Variants in SGK3 observed in about 807,000 individuals in gnomAD.
SGK3 encodes serum/glucocorticoid regulated kinase family member 3.
SGK3 carries 47 observed loss-of-function variants against 68.5 expected under a neutral mutation model. That is an observed-to-expected ratio of 0.69 (90% CI 0.54 to 0.87). The LOEUF (loss-of-function observed/expected upper bound fraction) is 0.87. Among genes scored for constraint, SGK3 ranks in the 40% least tolerant of loss-of-function variants. The pLI, the probability that SGK3 is intolerant of heterozygous loss-of-function variation, is 0.00. For missense variants in SGK3, 479 were observed against 575.5 expected, an observed-to-expected ratio of 0.83 and a Z score of 1.72; for synonymous variants, 181 against 189.1, an observed-to-expected ratio of 0.96 and a Z score of 0.35.
At chr8:66,835,005 T>TA (rs1809463563) in intron 8 of SGK3, among the ~76,000 whole-genome samples, 1 of 151,614 alleles carries the variant, frequency 6.6e-6, no homozygotes, top group South Asian at 2.1e-4. Context: ...TGCGGTGGCT[T>TA]ACGCCTGTTA....
At chr8:66,825,653 A>G (rs954032068) in intron 6 of SGK3, among the ~76,000 whole-genome samples, 4 of 152,166 alleles carry the variant, frequency 2.6e-5, no homozygotes, top group Non-Finnish European at 5.9e-5. Flanking sequence ...CCTAGCTGGA[A>G]TATTTTAGAG....
chr8:66,737,628 T>C (rs1268487111), intron 1 of SGK3: 1 of 152,414 alleles, frequency 6.6e-6, no homozygotes, highest in Non-Finnish European at 1.5e-5. Context: ...TTTTTTTTTT[T>C]TTTTTTTGAC....
chr8:66,859,059 G>A (rs1045235024), intron 16 of SGK3, among the ~76,000 whole-genome samples: 7 of 152,156 alleles, frequency 4.6e-5, no homozygotes, highest in African/African-American at 1.7e-4. Context: ...TGGGCCAGGC[G>A]CGGTGGCTCA....
chr8:66,764,827 A>G (rs1303082958), intron 1 of SGK3, among the ~76,000 whole-genome samples: 1 of 152,234 alleles, frequency 6.6e-6, no homozygotes, highest in Non-Finnish European at 1.5e-5. Flanking sequence ...TTTATGTGGA[A>G]TATAAATATA....
chr8:66,850,721 A>G, intron 15 of SGK3, 110 bp from the exon 16 acceptor site: 3 of 986,782 alleles, frequency 3.0e-6, no homozygotes, highest in South Asian at 3.4e-5. Flanking sequence ...ATGTTCCTAA[A>G]AAGAGTTATT....
At chr8:66,850,711 A>G in intron 15 of SGK3, 120 bp from the exon 16 acceptor site, 1 of 870,356 alleles carries the variant, frequency 1.1e-6, no homozygotes, top group Middle Eastern at 3.6e-4. Context: ...TAACATACAC[A>G]TGTTCCTAAA....
chr8:66,827,386 C>CA (rs757439616), intron 6 of SGK3, among the ~76,000 whole-genome samples: 1,554 of 51,716 alleles, frequency 0.03, 60 homozygotes, highest in African/African-American at 0.073. Context: ...AACTCTATCT[C>CA]AAAAAAAAAA....
chr8:66,842,410 C>T (rs568302283), intron 13 of SGK3, among the ~76,000 whole-genome samples: 3 of 151,956 alleles, frequency 2.0e-5, no homozygotes, highest in South Asian at 2.1e-4. Flanking sequence ...TTGGTAGAGA[C>T]GGGGTTTCAC....
intron 1 of SGK3, among the ~76,000 whole-genome samples, chr8:66,769,129 A>G (rs868696551): frequency 6.6e-6 from 1 of 152,108 alleles, no homozygotes; most frequent in Non-Finnish European, 1.5e-5. Flanking sequence ...TTCCTATCCC[A>G]TCCTCCAACA....
intron 1 of SGK3, among the ~76,000 whole-genome samples, chr8:66,717,042 A>G (rs1371188161): frequency 1.3e-5 from 2 of 151,752 alleles, no homozygotes; most frequent in Non-Finnish European, 2.9e-5. Flanking sequence ...CTAAAAAAAA[A>G]AAAAATACAT....
chr8:66,764,644 T>G (rs1001948258), intron 1 of SGK3, among the ~76,000 whole-genome samples: 43 of 152,002 alleles, frequency 2.8e-4, no homozygotes, highest in African/African-American at 1.0e-3. Flanking sequence ...AATTTTTTTT[T>G]GTTAATTTTG....
intron 14 of SGK3, among the ~76,000 whole-genome samples, chr8:66,846,093 T>G (rs1340284317): frequency 6.6e-6 from 1 of 152,170 alleles, no homozygotes; most frequent in African/African-American, 2.4e-5. Context: ...GGTTTTTTTT[T>G]GTTTTTGTTT....
chr8:66,751,390 C>A (rs1805814447), intron 1 of SGK3, among the ~76,000 whole-genome samples: 1 of 152,112 alleles, frequency 6.6e-6, no homozygotes, highest in Admixed American at 6.6e-5. Flanking sequence ...AAAGAAAACT[C>A]ATTTGTTATG....
Position 66,817,629 on chromosome 8 carries a change from G to A in SGK3, c.329+3701G>A, listed in dbSNP as rs182758278. Among the ~76,000 whole-genome samples the A allele has an allele frequency of 1.4e-4, 21 of 151,974 alleles. No homozygotes were observed. In the East Asian group the frequency reaches 3.7e-3, roughly 27 times the overall value. Reference sequence around the variant, plus strand: ...GGCCTCCTGAAGTGCTGGGATTGTAGGTGTGAGCCACCACGCCCAGCCAAA... The same window carrying A: ...GGCCTCCTGAAGTGCTGGGATTGTAAGTGTGAGCCACCACGCCCAGCCAAA... On this transcript the variant is annotated intron_variant, in intron 5 of 16. Transcript: ENST00000521198.
At chr8:66,821,166 T>C (rs533269735) in intron 5 of SGK3, among the ~76,000 whole-genome samples, 2 of 152,270 alleles carry the variant, frequency 1.3e-5, no homozygotes, top group African/African-American at 4.8e-5. Context: ...GTGGGCCATC[T>C]CTAATTTTAG....
chr8:66,850,255 C>T (rs1182136223), intron 15 of SGK3, among the ~76,000 whole-genome samples: 1 of 152,148 alleles, frequency 6.6e-6, no homozygotes, highest in Non-Finnish European at 1.5e-5. Flanking sequence ...CTTTTTTAAC[C>T]CACCAAATTA....
chr8:66,781,841 A>G (rs1036935079), intron 1 of SGK3, among the ~76,000 whole-genome samples: 1 of 152,236 alleles, frequency 6.6e-6, no homozygotes, highest in Non-Finnish European at 1.5e-5. Context: ...TTACAGAATG[A>G]TGGAAAAATC....
At chr8:66,756,136 A>G (rs1432358265) in intron 1 of SGK3, among the ~76,000 whole-genome samples, 1 of 152,146 alleles carries the variant, frequency 6.6e-6, no homozygotes, top group African/African-American at 2.4e-5. Context: ...GGACTTAGCT[A>G]CGTACACAAG....
intron 16 of SGK3, among the ~76,000 whole-genome samples, chr8:66,852,405 C>T (rs988875640): frequency 2.0e-5 from 3 of 151,572 alleles, no homozygotes; most frequent in African/African-American, 7.3e-5. Context: ...CCTCAGCCTC[C>T]CAAGTAGCTG....
Sources: allele counts gnomAD v4.1 joint callset (sites outside exome capture counted in the v4.1 genomes callset), GRCh38; gene constraint gnomAD v4.1.1; transcripts MANE v1.5; gene names NCBI Gene and HGNC (gene_info 2026-07-23, HGNC 2026-07-21).